Variants in DOCK3 observed in about 807,000 individuals in gnomAD.
DOCK3 encodes the protein dedicator of cytokinesis 3.
In DOCK3, 60 loss-of-function variants were observed where a neutral mutation model predicts 265.6. The observed-to-expected ratio is 0.23, with a 90% CI of 0.18 to 0.28. DOCK3 has a LOEUF of 0.28. Among genes scored for constraint, DOCK3 ranks in the 10% least tolerant of loss-of-function variants. The pLI is 1.00. For missense variants in DOCK3, 1,981 were observed against 2,594.3 expected (o/e 0.76, Z 5.14); for synonymous variants, 881 against 938.0 (o/e 0.94, Z 1.11).
At chr3:50,787,238 C>G in intron 2 of DOCK3, 1 of 555,450 alleles carries the variant, frequency 1.8e-6, no homozygotes, top group Non-Finnish European at 3.3e-6. Flanking sequence ...TTTGCTTCTC[C>G]AGACACCAGT....
intron 5 of DOCK3, among the ~76,000 whole-genome samples, chr3:50,989,613 A>G (rs1228993863): frequency 6.6e-6 from 1 of 152,178 alleles, no homozygotes; most frequent in Non-Finnish European, 1.5e-5. Flanking sequence ...CCTGCAGAGT[A>G]CCTCAGCCCA....
At chr3:50,743,175 A>C (rs1276367783) in intron 1 of DOCK3, among the ~76,000 whole-genome samples, 1 of 26,670 alleles carries the variant, frequency 3.7e-5, no homozygotes, top group African/African-American at 2.7e-4. Context: ...CCTGCCCTAA[A>C]AGAGCTCCTT....
intron 3 of DOCK3, among the ~76,000 whole-genome samples, chr3:50,886,597 C>A (rs951790801): frequency 9.2e-5 from 13 of 140,922 alleles, no homozygotes; most frequent in Admixed American, 8.3e-4. Context: ...TGTGATGTTC[C>A]CCTTCCTGTG....
chr3:51,371,141 G>T (rs2087649055), intron 49 of DOCK3, among the ~76,000 whole-genome samples: 1 of 152,182 alleles, frequency 6.6e-6, no homozygotes, highest in African/African-American at 2.4e-5. Context: ...AGAGGAATGA[G>T]ATTACACCTC....
At chr3:51,369,497 A>G (rs2087513360) in intron 49 of DOCK3, among the ~76,000 whole-genome samples, 1 of 152,228 alleles carries the variant, frequency 6.6e-6, no homozygotes, top group Admixed American at 6.5e-5. Context: ...TTTAGAGAAA[A>G]AAGAGTAAAA....
intron 1 of DOCK3, among the ~76,000 whole-genome samples, chr3:50,741,145 T>A (rs1023066611): frequency 3.3e-5 from 5 of 151,276 alleles, no homozygotes; most frequent in African/African-American, 1.2e-4. Context: ...ATATATATAT[T>A]ATATATATGT....
chr3:51,067,682 A>G (rs1042604653), intron 6 of DOCK3, among the ~76,000 whole-genome samples: 24 of 151,034 alleles, frequency 1.6e-4, no homozygotes, highest in African/African-American at 5.6e-4. Flanking sequence ...AGTGGAAAAT[A>G]TAGTCACTTA....
rs2090400253 is a variant in DOCK3, at chr3:51,227,979, C to T, written c.1541-3C>T. ...AACAACTAATACTTGGCTCTGATTACAGCAAAGGACAAAGGGGAAAAGAAA... is the reference window on the plus strand; with the variant it reads ...AACAACTAATACTTGGCTCTGATTATAGCAAAGGACAAAGGGGAAAAGAAA... On this transcript the variant is annotated splice_region_variant and splice_polypyrimidine_tract_variant and intron_variant, in intron 16 of 52. Coordinates refer to ENST00000266037, the MANE Select transcript of DOCK3 (RefSeq NM_004947.5). 1 of 1,613,856 alleles carries T rather than the reference C, an allele frequency of 6.2e-7. No homozygotes were observed. Among genetic ancestry groups the T allele is most frequent in the Non-Finnish European group, 8.5e-7 (1 of 1,179,796 alleles).
Position 51,270,928 on chromosome 3 carries a change from G to A in DOCK3, c.2469G>A (p.Val823=), listed in dbSNP as rs190625373. Residue 823 remains valine, a synonymous_variant, in exon 24 of 53, where the codon GTG becomes GTA. Transcript: ENST00000266037. ...RGTLGSMPST[V]HIGQSMDVVK... ...CACTGGGGAGCATGCCCAGCACTGT[G>A]CACATTGGGCAGTCAATGGACGTGG... The A allele has an allele frequency of 2.5e-6, 4 of 1,613,990 alleles. No individual in the cohort carries two copies.
intron 5 of DOCK3, among the ~76,000 whole-genome samples, chr3:51,032,715 A>G (rs1288723341): frequency 6.6e-6 from 1 of 152,082 alleles, no homozygotes; most frequent in Non-Finnish European, 1.5e-5. Context: ...TAAGACCAGC[A>G]TAAGCAACAT....
chr3:50,771,868 C>G (rs2041299422), intron 1 of DOCK3, among the ~76,000 whole-genome samples: 1 of 151,832 alleles, frequency 6.6e-6, no homozygotes, highest in Non-Finnish European at 1.5e-5. Flanking sequence ...AAAACAAAAA[C>G]AAAACAAAAA....
intron 5 of DOCK3, among the ~76,000 whole-genome samples, chr3:50,952,412 T>G (rs929173759): frequency 6.6e-6 from 1 of 152,060 alleles, no homozygotes; most frequent in Non-Finnish European, 1.5e-5. Flanking sequence ...ACTAAGAAAC[T>G]GTTCACAGAA....
At chr3:51,238,479 CA>C (rs2078449002) in intron 21 of DOCK3, among the ~76,000 whole-genome samples, 1 of 151,958 alleles carries the variant, frequency 6.6e-6, no homozygotes, top group African/African-American at 2.4e-5. Context: ...ATTTTAAGTT[CA>C]GGGGTACATG....
chr3:51,036,558 A>C (rs1390267845), intron 5 of DOCK3, among the ~76,000 whole-genome samples: 1 of 152,136 alleles, frequency 6.6e-6, no homozygotes, highest in African/African-American at 2.4e-5. Context: ...TAAAGGTTTA[A>C]TATGTCTTAA....
At chr3:51,139,576 G>C (rs2084956981) in intron 9 of DOCK3, among the ~76,000 whole-genome samples, 1 of 152,120 alleles carries the variant, frequency 6.6e-6, no homozygotes, top group Non-Finnish European at 1.5e-5. Context: ...TATAGGGTTG[G>C]GCTCTTAGAA....
At chr3:51,177,757 G>A (rs1475606821) in intron 12 of DOCK3, among the ~76,000 whole-genome samples, 1 of 152,118 alleles carries the variant, frequency 6.6e-6, no homozygotes, top group Non-Finnish European at 1.5e-5. Flanking sequence ...TTGGGAGGCC[G>A]AGACAGGCAG....
intron 41 of DOCK3, 93 bp from the exon 42 acceptor site, chr3:51,355,996 A>G (rs1019457014): frequency 3.4e-5 from 51 of 1,514,188 alleles, no homozygotes; most frequent in Non-Finnish European, 4.5e-6. Context: ...AGCAGGGACT[A>G]TGGTGCACTT....
intron 1 of DOCK3, among the ~76,000 whole-genome samples, chr3:50,752,285 C>T (rs1051858664): frequency 6.6e-5 from 10 of 151,864 alleles, no homozygotes; most frequent in Non-Finnish European, 1.2e-4. Flanking sequence ...CCGAGGCAGG[C>T]GGATCATGAG....
At chr3:50,919,381 C>T (rs1487696726) in intron 4 of DOCK3, among the ~76,000 whole-genome samples, 1 of 152,136 alleles carries the variant, frequency 6.6e-6, no homozygotes, top group Non-Finnish European at 1.5e-5. Flanking sequence ...TCTTCCTATC[C>T]ATGAGCATGG....
Sources: allele counts gnomAD v4.1 joint callset (sites outside exome capture counted in the v4.1 genomes callset), GRCh38; gene constraint gnomAD v4.1.1; transcripts MANE v1.5; gene names NCBI Gene and HGNC (gene_info 2026-07-23, HGNC 2026-07-21).